ENAH: variants seen among roughly 807,000 people sequenced by gnomAD.
The protein encoded by ENAH is protein enabled homolog.
Under a neutral mutation model 78.7 loss-of-function variants are expected in ENAH, and 23 were observed. The observed-to-expected ratio is 0.29, with a 90% CI of 0.21 to 0.41. The LOEUF is 0.41. Ranked by LOEUF, ENAH falls within the 10% of genes least tolerant of loss-of-function variation. The pLI, the probability that ENAH is intolerant of heterozygous loss-of-function variation, is 1.00. For missense variants in ENAH, 544 were observed against 691.0 expected, an observed-to-expected ratio of 0.79 and a Z score of 2.39; for synonymous variants, 226 against 241.0, an observed-to-expected ratio of 0.94 and a Z score of 0.58.
In ENAH at chr1:225,495,420, C is replaced by G. The variant is rs2096244444; in HGVS notation, c.*2355G>C. 7.0e-6 allele frequency: 1 copy of G among 143,774 alleles called. No individual in the cohort carries two copies. The highest frequency in any genetic ancestry group is 1.5e-5 in the Non-Finnish European group (1 of 66,424). 8.9% of individuals were successfully genotyped at this position (143,774 alleles called of 1,614,324 possible). On this transcript the variant is annotated 3_prime_UTR_variant, in exon 14 of 14. Coordinates refer to ENST00000366843, the MANE Select transcript of ENAH (RefSeq NM_018212.6). The stretch of plus-strand genomic sequence containing the variant: ...CTTCTTGGAAAGAACATTTAGCAAT[C>G]TGGGATGATGGGAAATATAGCATGA...
intron 1 of ENAH, among the ~76,000 whole-genome samples, chr1:225,603,714 C>T (rs2096941430): frequency 6.6e-6 from 1 of 152,118 alleles, no homozygotes; most frequent in Admixed American, 6.5e-5. Flanking sequence ...ATCAGAAGGA[C>T]TGTGAAAAAG....
intron 1 of ENAH, among the ~76,000 whole-genome samples, chr1:225,641,785 C>T (rs907430702): frequency 5.9e-5 from 9 of 152,082 alleles, no homozygotes; most frequent in African/African-American, 2.2e-4. Flanking sequence ...CTTTGGGAGG[C>T]CGAGGCAGGC....
chr1:225,564,402 C>T (rs2096724401), intron 2 of ENAH, among the ~76,000 whole-genome samples: 1 of 151,962 alleles, frequency 6.6e-6, no homozygotes, highest in African/African-American at 2.4e-5. Flanking sequence ...GATTCTCCTG[C>T]CTCAGCCTCC....
At chr1:225,583,452 A>AAG (rs1553447815) in intron 1 of ENAH, among the ~76,000 whole-genome samples, 70 of 148,928 alleles carry the variant, frequency 4.7e-4, no homozygotes, top group Non-Finnish European at 8.5e-4. Flanking sequence ...AAAAAAAAAA[A>AAG]AGAGAGAGAG....
chr1:225,525,666 G>A (rs1469288469), intron 4 of ENAH, among the ~76,000 whole-genome samples: 1 of 152,134 alleles, frequency 6.6e-6, no homozygotes, highest in Non-Finnish European at 1.5e-5. Context: ...ATGCTGTCAT[G>A]GGTTCATCAT....
chr1:225,646,711 C>T (rs1306714138), intron 1 of ENAH, among the ~76,000 whole-genome samples: 1 of 152,030 alleles, frequency 6.6e-6, no homozygotes, highest in South Asian at 2.1e-4. Flanking sequence ...ATGGTGTGAA[C>T]CCGGGAGGCA....
At chr1:225,581,102 T>A (rs2096815160) in intron 1 of ENAH, 1 of 177,066 alleles carries the variant, frequency 5.6e-6, no homozygotes, top group Non-Finnish European at 1.1e-5. Flanking sequence ...AGCATGAGAG[T>A]TCACAAAAAG....
At chr1:225,501,094 C>T (rs1327128236) in intron 11 of ENAH, 24 bp from the exon 12 acceptor site, 1 of 1,584,288 alleles carries the variant, frequency 6.3e-7, no homozygotes. Flanking sequence ...ATTTCCAGGA[C>T]AGGTAAACAA....
At chr1:225,606,368 A>AG (rs1002441202) in intron 1 of ENAH, among the ~76,000 whole-genome samples, 17 of 151,966 alleles carry the variant, frequency 1.1e-4, no homozygotes, top group African/African-American at 4.1e-4. Context: ...AGGCTGAGGC[A>AG]GAATTGCTTG....
chr1:225,583,470 C>CAA (rs1463522279), intron 1 of ENAH, among the ~76,000 whole-genome samples: 2 of 143,516 alleles, frequency 1.4e-5, no homozygotes, highest in Non-Finnish European at 3.0e-5. Context: ...GAGAATTATT[C>CAA]AAGTTGAAAG....
chr1:225,581,945 A>G (rs1398439158), intron 1 of ENAH, among the ~76,000 whole-genome samples: 1 of 150,960 alleles, frequency 6.6e-6, no homozygotes, highest in Admixed American at 6.6e-5. Context: ...AGCAATCCTC[A>G]TCTCTGGATA....
At chr1:225,565,895 C>T (rs2096732561) in intron 2 of ENAH, among the ~76,000 whole-genome samples, 1 of 152,096 alleles carries the variant, frequency 6.6e-6, no homozygotes, top group Admixed American at 6.5e-5. Flanking sequence ...GAGAGACAGA[C>T]AGAAGGGAGC....
chr1:225,527,847 C>T (rs1010357073), intron 4 of ENAH, among the ~76,000 whole-genome samples: 2 of 152,154 alleles, frequency 1.3e-5, no homozygotes, highest in African/African-American at 4.8e-5. Context: ...AGCACCTCCT[C>T]CGTGAACCTC....
chr1:225,639,705 AACACACACACACACACACAC>A (rs374646635), intron 1 of ENAH, among the ~76,000 whole-genome samples: 6 of 138,552 alleles, frequency 4.3e-5, no homozygotes, highest in Non-Finnish European at 6.2e-5. Flanking sequence ...GGCGGGATTA[AACACACACACACACACACAC>A]ACACACACAC....
At chr1:225,631,161 C>T (rs1178267684) in intron 1 of ENAH, among the ~76,000 whole-genome samples, 3 of 152,190 alleles carry the variant, frequency 2.0e-5, no homozygotes, top group African/African-American at 7.2e-5. Context: ...ATACCCTATA[C>T]TGACTGACAA....
chr1:225,601,453 G>T (rs1001180596), intron 1 of ENAH, among the ~76,000 whole-genome samples: 3 of 151,546 alleles, frequency 2.0e-5, no homozygotes, highest in Admixed American at 6.6e-5. Context: ...GGGAGGCGGG[G>T]CTTGCAGTGA....
intron 11 of ENAH, among the ~76,000 whole-genome samples, 173 bp downstream of exon 11, chr1:225,507,778 G>A (rs1274402409): frequency 6.6e-6 from 1 of 152,100 alleles, no homozygotes; most frequent in African/African-American, 2.4e-5. Context: ...CACTAGTAAT[G>A]TAGATGAGTA....
At chr1:225,627,684 G>A (rs1450409347) in intron 1 of ENAH, among the ~76,000 whole-genome samples, 1 of 152,162 alleles carries the variant, frequency 6.6e-6, no homozygotes, top group Non-Finnish European at 1.5e-5. Context: ...TTAGGGAAAA[G>A]CTACTTTACC....
chr1:225,515,219 G>A, intron 6 of ENAH: 1 of 289,568 alleles, frequency 3.5e-6, no homozygotes. Context: ...TTGGAAGAGA[G>A]GTAAGCGTCC....
Sources: gnomAD v4.1 joint callset for allele counts (sites outside exome capture counted in the v4.1 genomes callset) on GRCh38, gnomAD v4.1.1 for gene constraint, MANE v1.5 for transcripts, NCBI Gene and HGNC (gene_info 2026-07-23, HGNC 2026-07-21) for gene names.